The following CRIM1 variants were observed in gnomAD, a reference collection of about 807,000 sequenced individuals.
The protein encoded by CRIM1 is cysteine rich transmembrane BMP regulator 1, also known as cysteine-rich motor neuron 1 protein.
Under a neutral mutation model 116.4 loss-of-function variants are expected in CRIM1, and 32 were observed. The observed-to-expected ratio is 0.27, with a 90% CI of 0.21 to 0.37. The LOEUF (loss-of-function observed/expected upper bound fraction) is 0.37. CRIM1 is among the 10% of genes least tolerant of loss of function. The probability of loss-of-function intolerance (pLI) is 1.00; values close to 1 mark genes in which losing one functional copy is unlikely to be tolerated. For missense variants in CRIM1, 1,331 were observed against 1,354.8 expected (o/e 0.98, Z 0.28); for synonymous variants, 590 against 509.2 (o/e 1.16, Z -2.13).
At chr2:36,482,377 T>G (rs1039785726) in intron 7 of CRIM1, among the ~76,000 whole-genome samples, 3 of 152,208 alleles carry the variant, frequency 2.0e-5, no homozygotes, top group Non-Finnish European at 1.5e-5. Context: ...CAGCTTAAGA[T>G]AATGATACTA....
rs369441581 is a variant in CRIM1, at chr2:36,445,785, GA to G, written c.869+3060del. Among the ~76,000 whole-genome samples, 988 of 143,114 alleles carry G rather than the reference GA, an allele frequency of 6.9e-3. 17 individuals carry two copies. Among genetic ancestry groups the G allele is most frequent in the South Asian group, 0.056 (252 of 4,488 alleles). The allele number at this position is 143,114 out of a possible 152,430, so 93.9% of individuals were successfully genotyped here. ...CAACCCAAATAATCATGTGAAAATG[GA>G]AAAAAAAAAGCCTAACATGTAATAA... On this transcript the variant is annotated intron_variant, in intron 4 of 16. Transcript: ENST00000280527.
At chr2:36,476,443 G>A (rs180671890) in intron 5 of CRIM1, among the ~76,000 whole-genome samples, 1 of 152,214 alleles carries the variant, frequency 6.6e-6, no homozygotes, top group African/African-American at 2.4e-5. Context: ...TTAAGAGAGA[G>A]CACTGGGGGA....
intron 2 of CRIM1, among the ~76,000 whole-genome samples, chr2:36,417,671 C>G (rs777799028): frequency 6.6e-6 from 1 of 152,152 alleles, no homozygotes; most frequent in Non-Finnish European, 1.5e-5. Context: ...GTCAGTTAAA[C>G]TCTAACCAAA....
chr2:36,545,126 G>A (rs1368887400), intron 15 of CRIM1, among the ~76,000 whole-genome samples: 1 of 152,124 alleles, frequency 6.6e-6, no homozygotes, highest in Non-Finnish European at 1.5e-5. Flanking sequence ...GCTCTTAGCC[G>A]TGACTCAGTA....
chr2:36,520,781 T>C (rs117515721), intron 12 of CRIM1, among the ~76,000 whole-genome samples: 3 of 152,150 alleles, frequency 2.0e-5, no homozygotes, highest in African/African-American at 4.8e-5. Context: ...TTACTGGCTG[T>C]GGGGTATATT....
chr2:36,440,882 G>A (rs1390569522), intron 2 of CRIM1, among the ~76,000 whole-genome samples: 1 of 152,204 alleles, frequency 6.6e-6, no homozygotes, highest in Non-Finnish European at 1.5e-5. Context: ...TCAAAGAACA[G>A]CCTTTAAAGC....
chr2:36,403,878 G>T (rs547911472), intron 2 of CRIM1, among the ~76,000 whole-genome samples: 2 of 152,270 alleles, frequency 1.3e-5, no homozygotes, highest in Admixed American at 6.5e-5. Context: ...AGAGTTACAG[G>T]TCTGGAACTC....
chr2:36,533,348 G>T, intron 13 of CRIM1, among the ~76,000 whole-genome samples: 1 of 150,824 alleles, frequency 6.6e-6, no homozygotes, highest in Admixed American at 6.6e-5. Flanking sequence ...CAGCATTTTG[G>T]GAGACTAAGG....
At chr2:36,380,282 G>A (rs1175642855) in intron 1 of CRIM1, among the ~76,000 whole-genome samples, 2 of 152,072 alleles carry the variant, frequency 1.3e-5, no homozygotes, top group Non-Finnish European at 2.9e-5. Context: ...ATTCTTTGCC[G>A]GCTTCCCTTT....
intron 2 of CRIM1, among the ~76,000 whole-genome samples, chr2:36,414,272 A>T (rs2124822696): frequency 6.6e-6 from 1 of 152,344 alleles, no homozygotes; most frequent in Admixed American, 6.5e-5. Flanking sequence ...TGCAGCTCTC[A>T]AAAGCAGCCT....
At chr2:36,398,592 T>C (rs1346443267) in intron 2 of CRIM1, among the ~76,000 whole-genome samples, 1 of 152,244 alleles carries the variant, frequency 6.6e-6, no homozygotes, top group Admixed American at 6.5e-5. Context: ...ATAATTACCG[T>C]ATCTGATTGA....
At chr2:36,410,646 A>G (rs193187172) in intron 2 of CRIM1, among the ~76,000 whole-genome samples, 34 of 152,294 alleles carry the variant, frequency 2.2e-4, no homozygotes, top group Non-Finnish European at 4.1e-4. Context: ...CCTCTAACAG[A>G]AGGACACTTT....
At position 36,466,981 on chromosome 2, in the gene CRIM1, A is replaced by G. The variant is rs149822433; in HGVS notation, c.991+2326A>G. Reference sequence around the variant, plus strand: ...CCTTTCTTATCAGAACATAGACTTTATGTCTTGCTCCAGTCTGATGTGTCT... The same window carrying G: ...CCTTTCTTATCAGAACATAGACTTTGTGTCTTGCTCCAGTCTGATGTGTCT... On this transcript the variant is annotated intron_variant, in intron 5 of 16. Coordinates refer to ENST00000280527, the MANE Select transcript of CRIM1 (RefSeq NM_016441.3). Among the ~76,000 whole-genome samples the G allele has an allele frequency of 4.5e-3, 685 of 152,254 alleles. 7 individuals carry two copies. The highest frequency in any genetic ancestry group is 0.016 in the African/African-American group (651 of 41,532).
intron 6 of CRIM1, among the ~76,000 whole-genome samples, chr2:36,478,688 T>C (rs1460722429): frequency 6.6e-6 from 1 of 152,186 alleles, no homozygotes; most frequent in Non-Finnish European, 1.5e-5. Flanking sequence ...TCTGGATTCC[T>C]CTCTCAGCAC....
intron 2 of CRIM1, among the ~76,000 whole-genome samples, chr2:36,410,102 G>A (rs1420357700): frequency 6.6e-6 from 1 of 152,162 alleles, no homozygotes. Context: ...AGCAGTAAGT[G>A]GTGCCTGTAA....
intron 14 of CRIM1, among the ~76,000 whole-genome samples, chr2:36,541,404 G>A (rs749568761): frequency 6.6e-6 from 1 of 152,158 alleles, no homozygotes; most frequent in Non-Finnish European, 1.5e-5. Context: ...CCTATGAGCT[G>A]TTAGGTGATT....
At chr2:36,361,664 A>G (rs1272428753) in intron 1 of CRIM1, among the ~76,000 whole-genome samples, 3 of 152,198 alleles carry the variant, frequency 2.0e-5, no homozygotes, top group Admixed American at 2.0e-4. Flanking sequence ...AATTCCTGAA[A>G]AATGTGGGTG....
chr2:36,437,935 C>T (rs1424829724), intron 2 of CRIM1, among the ~76,000 whole-genome samples: 1 of 151,822 alleles, frequency 6.6e-6, no homozygotes, highest in East Asian at 1.9e-4. Context: ...AGATCGAGAC[C>T]AGCCCGGCCA....
At chr2:36,538,558 G>T (rs1406098508) in intron 14 of CRIM1, among the ~76,000 whole-genome samples, 1 of 152,192 alleles carries the variant, frequency 6.6e-6, no homozygotes, top group Non-Finnish European at 1.5e-5. Context: ...TTGTAAGATA[G>T]GGCAGTTGTT....
Sources: allele counts gnomAD v4.1 joint callset (sites outside exome capture counted in the v4.1 genomes callset), GRCh38; gene constraint gnomAD v4.1.1; transcripts MANE v1.5; gene names NCBI Gene and HGNC (gene_info 2026-07-23, HGNC 2026-07-21).